Variants in RYK observed in about 807,000 individuals in gnomAD.
The protein encoded by RYK is inactive tyrosine-protein kinase RYK.
Under a neutral mutation model 70.2 loss-of-function variants are expected in RYK, and 21 were observed. That is an observed-to-expected ratio of 0.30 (90% CI 0.21 to 0.43). The LOEUF (loss-of-function observed/expected upper bound fraction) is 0.43. Among genes scored for constraint, RYK ranks in the 20% least tolerant of loss-of-function variants. The pLI is 1.00. For synonymous variants in RYK, 267 were observed against 278.0 expected, an observed-to-expected ratio of 0.96 and a Z score of 0.39; for missense variants, 604 against 753.3, an observed-to-expected ratio of 0.80 and a Z score of 2.32.
chr3:134,229,406 T>G, intron 1 of RYK, among the ~76,000 whole-genome samples: 1 of 134,344 alleles, frequency 7.4e-6, no homozygotes, highest in East Asian at 2.3e-4. Flanking sequence ...AAACGTAGGA[T>G]AGAAAATCTT....
intron 2 of RYK, among the ~76,000 whole-genome samples, chr3:134,220,802 A>G (rs1172894425): frequency 6.6e-6 from 1 of 152,224 alleles, no homozygotes; most frequent in Non-Finnish European, 1.5e-5. Context: ...CATCAATAAA[A>G]GATGAACTAC....
intron 1 of RYK, among the ~76,000 whole-genome samples, chr3:134,229,814 AC>A (rs2015010035): frequency 6.6e-6 from 1 of 152,198 alleles, no homozygotes; most frequent in South Asian, 2.1e-4. Flanking sequence ...GAGGTGCTAA[AC>A]ATCCTTAGTC....
At chr3:134,203,007 G>T in intron 5 of RYK, 133 bp from the exon 6 acceptor site, 1 of 696,784 alleles carries the variant, frequency 1.4e-6, no homozygotes, top group Non-Finnish European at 2.3e-6. Flanking sequence ...GTAGCATATT[G>T]GTGGAAGTTC....
intron 1 of RYK, among the ~76,000 whole-genome samples, chr3:134,235,694 A>T (rs935189917): frequency 6.6e-6 from 1 of 152,162 alleles, no homozygotes; most frequent in African/African-American, 2.4e-5. Flanking sequence ...ACAGCAATCA[A>T]ATGCAGTCTG....
intron 1 of RYK, among the ~76,000 whole-genome samples, chr3:134,224,762 C>T (rs1431553902): frequency 6.6e-6 from 1 of 152,244 alleles, no homozygotes; most frequent in Non-Finnish European, 1.5e-5. Context: ...CCGGGCTTGA[C>T]AGAGGGCTCA....
At position 134,199,222 on chromosome 3, in the gene RYK, T is replaced by G. The variant is rs76113515; in HGVS notation, c.788+3508A>C. Among the ~76,000 whole-genome samples the G allele has an allele frequency of 8.2e-4, 125 of 152,358 alleles. No homozygotes were observed. The Middle Eastern group carries it at 0.014, about 17-fold the overall frequency. ...TCTCAGGCAGTGTTAATTCTCTGCC[T>G]CTAATGAGATCTGTTTATAACAAGC... is the stretch of plus-strand genomic sequence containing the variant. On this transcript the variant is annotated intron_variant, in intron 6 of 14. Transcript: ENST00000623711.
chr3:134,160,048 C>T (rs1161364678), intron 13 of RYK, among the ~76,000 whole-genome samples: 1 of 152,200 alleles, frequency 6.6e-6, no homozygotes, highest in African/African-American at 2.4e-5. Context: ...CACAGAGCTG[C>T]TGCCACATGG....
At chr3:134,242,289 G>A (rs1453396646) in intron 1 of RYK, among the ~76,000 whole-genome samples, 11 of 149,454 alleles carry the variant, frequency 7.4e-5, no homozygotes, top group Middle Eastern at 6.8e-3. Context: ...TGGGTGACAA[G>A]AGCAAAACTC....
intron 13 of RYK, among the ~76,000 whole-genome samples, chr3:134,169,558 G>A (rs1353979738): frequency 6.6e-6 from 1 of 152,032 alleles, no homozygotes; most frequent in East Asian, 1.9e-4. Context: ...TAGTTCTTAA[G>A]CTCAACAGTT....
chr3:134,235,239 C>G (rs1032692269), intron 1 of RYK, among the ~76,000 whole-genome samples: 25 of 151,868 alleles, frequency 1.6e-4, no homozygotes, highest in East Asian at 1.2e-3. Flanking sequence ...AAAGAAAAAA[C>G]AAGAACATGA....
rs1268266244 is a variant in RYK, at chr3:134,159,228, A to C, written c.1712+9T>G. 2 of 1,613,788 alleles carry C rather than the reference A, an allele frequency of 1.2e-6. No homozygotes were observed. Among genetic ancestry groups the C allele is most frequent in the South Asian group, 1.1e-5 (1 of 91,046 alleles). On this transcript the variant is annotated intron_variant, in intron 14 of 14. Transcript: ENST00000623711. ...TAAAACTCATGCCTTCAAGCTCAAAAAAACTCACAATTCATCAGGACAGTT... is the reference window on the plus strand; with the variant it reads ...TAAAACTCATGCCTTCAAGCTCAAACAAACTCACAATTCATCAGGACAGTT...
chr3:134,196,472 G>A (rs201889347), intron 6 of RYK, among the ~76,000 whole-genome samples: 20 of 152,056 alleles, frequency 1.3e-4, no homozygotes, highest in African/African-American at 2.4e-4. Flanking sequence ...AGCTGAGTGC[G>A]GTGTGAAGCC....
chr3:134,159,088 T>G (rs76211692), intron 14 of RYK, 149 bp downstream of exon 14: 39,118 of 823,348 alleles, frequency 0.048, 1,174 homozygotes, highest in East Asian at 0.13. Flanking sequence ...CCTGACTTTG[T>G]GGTTTTTTAT....
chr3:134,197,886 T>C (rs188439308), intron 6 of RYK, among the ~76,000 whole-genome samples: 37 of 152,318 alleles, frequency 2.4e-4, no homozygotes, highest in Admixed American at 2.0e-3. Flanking sequence ...CTCAGAATTT[T>C]TGAAAAGACT....
intron 4 of RYK, among the ~76,000 whole-genome samples, chr3:134,208,458 CCTTTGT>C (rs1386240908): frequency 6.6e-6 from 1 of 152,146 alleles, no homozygotes; most frequent in Non-Finnish European, 1.5e-5. Flanking sequence ...TCTGAAATCT[CCTTTGT>C]CTTTAACATT....
chr3:134,235,998 T>C (rs2015190640), intron 1 of RYK, among the ~76,000 whole-genome samples: 1 of 150,720 alleles, frequency 6.6e-6, no homozygotes, highest in African/African-American at 2.4e-5. Context: ...TTCCAATGAG[T>C]GCCTTATTTG....
At chr3:134,184,626 C>G (rs1194863317) in intron 9 of RYK, among the ~76,000 whole-genome samples, 1 of 151,814 alleles carries the variant, frequency 6.6e-6, no homozygotes, top group Non-Finnish European at 1.5e-5. Flanking sequence ...TTAGTTGGAC[C>G]TGGTGGTGCA....
chr3:134,162,560 ATTCT>A (rs2012515115), intron 13 of RYK, among the ~76,000 whole-genome samples: 1 of 152,166 alleles, frequency 6.6e-6, no homozygotes, highest in African/African-American at 2.4e-5. Flanking sequence ...CTACTGGGAC[ATTCT>A]ATTCTGCTTA....
rs527910991 is a variant in RYK at position 134,158,064 on chromosome 3, G to C, written c.*89C>G. ...CTGGAAGACAAATGTGCTTCTGTTG[G>C]CGTTGTGTTAGATACAAAGCATCCC... On this transcript the variant is annotated 3_prime_UTR_variant, in exon 15 of 15. Coordinates refer to ENST00000623711, the MANE Select transcript of RYK (RefSeq NM_002958.4). 3 of 541,936 alleles carry C rather than the reference G, an allele frequency of 5.5e-6. No homozygotes were observed. The highest frequency in any genetic ancestry group is 8.8e-6 in the Non-Finnish European group (3 of 340,246). The allele number at this position is 541,936 out of a possible 1,614,324, so 33.6% of individuals were successfully genotyped here.
Sources: allele counts gnomAD v4.1 joint callset (sites outside exome capture counted in the v4.1 genomes callset), GRCh38; gene constraint gnomAD v4.1.1; transcripts MANE v1.5; gene names NCBI Gene and HGNC (gene_info 2026-07-23, HGNC 2026-07-21).